ZYG11B: variants seen among roughly 807,000 people sequenced by gnomAD.
ZYG11B encodes the protein zyg-11 family member B, cell cycle regulator.
In ZYG11B, 36 loss-of-function variants were observed where a neutral mutation model predicts 82.4. That is an observed-to-expected ratio of 0.44 (90% CI 0.33 to 0.58). The LOEUF is 0.58. Ranked by LOEUF, ZYG11B falls within the 20% of genes least tolerant of loss-of-function variation. ZYG11B has a pLI of 0.02. For missense variants in ZYG11B, 552 were observed against 895.6 expected (o/e 0.62, Z 4.90); for synonymous variants, 303 against 312.8 (o/e 0.97, Z 0.33).
intron 1 of ZYG11B, among the ~76,000 whole-genome samples, chr1:52,750,121 G>A (rs1169908960): frequency 1.3e-5 from 2 of 151,964 alleles, no homozygotes; most frequent in Admixed American, 6.6e-5. Context: ...GTTTTGAGAC[G>A]GAGTCTTGCT....
chr1:52,773,681 C>T (rs532674364), intron 3 of ZYG11B, among the ~76,000 whole-genome samples: 28 of 102,856 alleles, frequency 2.7e-4, no homozygotes, highest in Non-Finnish European at 4.6e-4. Context: ...CTCGCTCTGT[C>T]GCCCAGGCAG....
chr1:52,801,372 A>G (rs1645074708), intron 8 of ZYG11B, among the ~76,000 whole-genome samples: 1 of 152,212 alleles, frequency 6.6e-6, no homozygotes, highest in African/African-American at 2.4e-5. Flanking sequence ...TTGACTATGA[A>G]CAAATTAGTT....
chr1:52,803,141 T>C (rs192984646), intron 10 of ZYG11B, among the ~76,000 whole-genome samples: 17,248 of 60,290 alleles, frequency 0.29, 3,508 homozygotes, highest in Non-Finnish European at 0.34. Context: ...TATACACACA[T>C]ATATATATAT....
chr1:52,727,011 A>C (rs1002154517), intron 1 of ZYG11B, among the ~76,000 whole-genome samples: 2 of 149,004 alleles, frequency 1.3e-5, no homozygotes, highest in African/African-American at 5.0e-5. Flanking sequence ...TTTCTCCTCT[A>C]TCATTTTGCC....
Position 52,785,033 on chromosome 1 carries a change from C to T in ZYG11B, c.1249C>T (p.His417Tyr). ...CCATTTGCTGCTCAAAGCCATGGAA[C>T]ATTTTCCCAATCACCAGCAGGTAAG... ...VTHLLLKAMEHFPNHQQLQKN... is the reference protein window; with the variant it reads ...VTHLLLKAMEYFPNHQQLQKN... The change falls in exon 5 of 14, where the codon CAT becomes TAT. Residue 417 changes from histidine to tyrosine, a missense_variant. By Grantham distance (83) the His-to-Tyr change is moderately conservative. Around this residue, in one of 3 missense-constraint regions of ZYG11B, gnomAD observed 359 missense variants for 555.8 expected, o/e 0.65. Coordinates refer to ENST00000294353, the MANE Select transcript of ZYG11B (RefSeq NM_024646.3). 1 of 1,612,882 alleles carries T rather than the reference C, an allele frequency of 6.2e-7. No homozygotes were observed.
chr1:52,755,479 A>G (rs921955098), intron 1 of ZYG11B, among the ~76,000 whole-genome samples: 4 of 152,072 alleles, frequency 2.6e-5, no homozygotes, highest in African/African-American at 4.8e-5. Flanking sequence ...GCATTTCCAT[A>G]TGAATCTTAG....
At chr1:52,779,812 AAG>A (rs771032029) in intron 3 of ZYG11B, 39 bp from the exon 4 acceptor site, 23 of 1,609,306 alleles carry the variant, frequency 1.4e-5, no homozygotes, top group African/African-American at 4.0e-5. Context: ...TAGATAGAGA[AAG>A]AGAGAGAATT....
chr1:52,788,910 C>A (rs1201899057), intron 5 of ZYG11B, among the ~76,000 whole-genome samples: 2 of 152,082 alleles, frequency 1.3e-5, no homozygotes, highest in African/African-American at 4.8e-5. Context: ...GGATCCTGTA[C>A]AAATTATCGT....
intron 3 of ZYG11B, among the ~76,000 whole-genome samples, chr1:52,776,229 A>AAAAAAAAAAAAAAAT: frequency 8.5e-5 from 2 of 23,536 alleles, no homozygotes; most frequent in Non-Finnish European, 2.3e-4. Context: ...TAAAAAAAAA[A>AAAAAAAAAAAAAAAT]ATATATATAT....
At position 52,822,539 on chromosome 1, in the gene ZYG11B, A is replaced by G. The variant is rs1335036717; in HGVS notation, c.*910A>G. ...CTCTATTTCAAAGTCATTTTTGTTCAGTGGAATAGAGACAGCAACATGGTG... is the reference window on the plus strand; with the variant it reads ...CTCTATTTCAAAGTCATTTTTGTTCGGTGGAATAGAGACAGCAACATGGTG... On this transcript the variant is annotated 3_prime_UTR_variant, in exon 14 of 14. Coordinates refer to ENST00000294353, the MANE Select transcript of ZYG11B (RefSeq NM_024646.3). 2 of 152,224 alleles carry G rather than the reference A, an allele frequency of 1.3e-5. No individual in the cohort carries two copies. Among genetic ancestry groups the G allele is most frequent in the Non-Finnish European group, 2.9e-5 (2 of 68,028 alleles). The allele number at this position is 152,224 out of a possible 1,614,324, so 9.4% of individuals were successfully genotyped here. A position where few individuals can be genotyped will look rare whatever the true frequency, so the allele number is the denominator to read the frequency against.
chr1:52,756,760 T>G (rs895355508), intron 2 of ZYG11B, 137 bp downstream of exon 2: 2 of 707,456 alleles, frequency 2.8e-6, no homozygotes, highest in Admixed American at 6.6e-5. Context: ...GACTATGAAT[T>G]CATTTATTTT....
At chr1:52,767,120 T>G (rs910299527) in intron 2 of ZYG11B, among the ~76,000 whole-genome samples, 8 of 123,306 alleles carry the variant, frequency 6.5e-5, no homozygotes, top group African/African-American at 3.6e-4. Flanking sequence ...TGTTGTTATT[T>G]TATTTTATTT....
intron 1 of ZYG11B, among the ~76,000 whole-genome samples, chr1:52,731,284 GAA>G (rs68054450): frequency 0.084 from 11,614 of 139,006 alleles, 1,529 homozygotes; most frequent in African/African-American, 0.28. Flanking sequence ...CAAAAAAAAA[GAA>G]AAAAAAAAAA....
intron 2 of ZYG11B, among the ~76,000 whole-genome samples, chr1:52,760,760 CTTTTTTTTTTTT>C (rs35437248): frequency 1.9e-5 from 2 of 104,670 alleles, no homozygotes; most frequent in African/African-American, 8.8e-5. Context: ...GCCTGGCCTA[CTTTTTTTTTTTT>C]TTTTTTTTGA....
chr1:52,783,838 A>ATG (rs1644880181), intron 4 of ZYG11B, among the ~76,000 whole-genome samples: 1 of 101,764 alleles, frequency 9.8e-6, no homozygotes, highest in African/African-American at 3.7e-5. Flanking sequence ...ATACGTGTGT[A>ATG]TATGTACATA....
At chr1:52,767,634 A>G (rs1365474951) in intron 2 of ZYG11B, among the ~76,000 whole-genome samples, 1 of 152,112 alleles carries the variant, frequency 6.6e-6, no homozygotes, top group Non-Finnish European at 1.5e-5. Flanking sequence ...CTGGTTCCCC[A>G]CTTGGCTTCT....
At position 52,726,693 on chromosome 1, in the gene ZYG11B, CA is replaced by C; in HGVS notation, c.30+12del. The C allele has an allele frequency of 6.8e-7, 1 of 1,477,216 alleles. No homozygotes were observed. Among genetic ancestry groups the C allele is most frequent in the Non-Finnish European group, 8.9e-7 (1 of 1,120,268 alleles). 91.5% of individuals were successfully genotyped at this position (1,477,216 alleles called of 1,614,324 possible). ...GGCCGGCGCAGCCATGGTGAGGGAG[CA>C]AGGCCTGCCCTAGCCGCAGCCGCCC... is the stretch of plus-strand genomic sequence containing the variant. On this transcript the variant is annotated intron_variant, in intron 1 of 13. Coordinates refer to ENST00000294353, the MANE Select transcript of ZYG11B (RefSeq NM_024646.3).
At chr1:52,793,043 T>A (rs1349993512) in intron 6 of ZYG11B, among the ~76,000 whole-genome samples, 1 of 151,396 alleles carries the variant, frequency 6.6e-6, no homozygotes, top group Non-Finnish European at 1.5e-5. Context: ...TTTCACCATG[T>A]TGGCCAGGCT....
chr1:52,801,255 A>G (rs1645073630), intron 8 of ZYG11B, among the ~76,000 whole-genome samples: 1 of 152,156 alleles, frequency 6.6e-6, no homozygotes, highest in Admixed American at 6.5e-5. Context: ...TATAGTCAAC[A>G]TAGACTAATT....
Sources: allele counts gnomAD v4.1 joint callset (sites outside exome capture counted in the v4.1 genomes callset), GRCh38; gene constraint gnomAD v4.1.1; regional missense constraint gnomAD v4.1.1; transcripts MANE v1.5; gene names NCBI Gene and HGNC (gene_info 2026-07-23, HGNC 2026-07-21).